The following NRCAM variants were observed in gnomAD, a reference collection of about 807,000 sequenced individuals.
The protein encoded by NRCAM is neuronal cell adhesion molecule, also known as NgCAM-related cell adhesion molecule.
Under a neutral mutation model 156.5 loss-of-function variants are expected in NRCAM, and 83 were observed. That is an observed-to-expected ratio of 0.53 (90% CI 0.44 to 0.64). The LOEUF (loss-of-function observed/expected upper bound fraction) is 0.64. NRCAM is among the 30% of genes least tolerant of loss of function. The pLI is 0.00. For synonymous variants in NRCAM, 538 were observed against 563.9 expected (o/e 0.95, Z 0.65); for missense variants, 1,417 against 1,597.3 (o/e 0.89, Z 1.92).
intron 3 of NRCAM, among the ~76,000 whole-genome samples, chr7:108,273,082 C>A (rs760040240): frequency 1.3e-4 from 20 of 152,164 alleles, no homozygotes; most frequent in Non-Finnish European, 1.6e-4. Flanking sequence ...TGAACTCATC[C>A]TTTTTTATGG....
rs60213692 is a variant in NRCAM at position 108,254,554 on chromosome 7, T to TA, written c.-106-14385_-106-14384insT. 4.8e-4 allele frequency among the ~76,000 whole-genome samples: 71 copies of TA among 146,464 alleles called. 1 individual carries two copies. The South Asian group carries it at 8.3e-3, about 17-fold the overall frequency. Reference sequence around the variant, plus strand: ...CCATTCTGAAAAAACAATTTTGCTTTTTTTTTTTTTTTGAGATGGAACTAG... The same window carrying TA: ...CCATTCTGAAAAAACAATTTTGCTTTATTTTTTTTTTTTGAGATGGAACTAG... On this transcript the variant is annotated intron_variant, in intron 3 of 32. Coordinates refer to ENST00000379028, the MANE Select transcript of NRCAM (RefSeq NM_001037132.4).
At chr7:108,163,640 GAC>G (rs1304478169) in intron 30 of NRCAM, among the ~76,000 whole-genome samples, 17 of 152,126 alleles carry the variant, frequency 1.1e-4, no homozygotes, top group Non-Finnish European at 2.2e-4. Flanking sequence ...GTAATTGAGG[GAC>G]AGAGGTAAAA....
intron 13 of NRCAM, among the ~76,000 whole-genome samples, chr7:108,202,046 A>G (rs73414332): frequency 6.6e-6 from 1 of 152,192 alleles, no homozygotes; most frequent in Non-Finnish European, 1.5e-5. Context: ...GCTAGTGGGT[A>G]GAGTAACTCT....
At chr7:108,282,933 C>G (rs972947836) in intron 3 of NRCAM, among the ~76,000 whole-genome samples, 3 of 152,208 alleles carry the variant, frequency 2.0e-5, no homozygotes, top group Non-Finnish European at 4.4e-5. Flanking sequence ...TCAATTAAAT[C>G]AGAAGTTCTG....
intron 3 of NRCAM, among the ~76,000 whole-genome samples, chr7:108,311,858 C>T (rs1340604860): frequency 1.3e-5 from 2 of 152,108 alleles, no homozygotes; most frequent in Non-Finnish European, 2.9e-5. Context: ...TAACTAAAAT[C>T]CATGAGTTTA....
At chr7:108,297,650 A>T (rs1295784055) in intron 3 of NRCAM, among the ~76,000 whole-genome samples, 1 of 152,196 alleles carries the variant, frequency 6.6e-6, no homozygotes, top group Non-Finnish European at 1.5e-5. Flanking sequence ...CTGTCCTCAC[A>T]AACCTTACAT....
intron 3 of NRCAM, among the ~76,000 whole-genome samples, chr7:108,299,114 A>AAAAAAAAAAAAAAAGAAAGAAAGAAAG: frequency 7.8e-5 from 2 of 25,528 alleles, no homozygotes; most frequent in African/African-American, 2.1e-4. Flanking sequence ...TCAAAAAAAA[A>AAAAAAAAAAAAAAAGAAAGAAAGAAAG]AAAGAAAGAA....
chr7:108,436,396 T>A (rs933022686), intron 1 of NRCAM, among the ~76,000 whole-genome samples: 3 of 152,192 alleles, frequency 2.0e-5, no homozygotes, highest in Non-Finnish European at 4.4e-5. Context: ...TATTTTTAAT[T>A]TTGTTTATGA....
In NRCAM at chr7:108,342,670, C is replaced by G. The variant is rs537439748; in HGVS notation, c.-173-29939G>C. Among the ~76,000 whole-genome samples, 3 of 152,264 alleles carry G rather than the reference C, an allele frequency of 2.0e-5. No homozygotes were observed. In the South Asian group the frequency reaches 6.2e-4, roughly 32 times the overall value. On this transcript the variant is annotated intron_variant, in intron 2 of 32. Coordinates refer to ENST00000379028, the MANE Select transcript of NRCAM (RefSeq NM_001037132.4). ...AGCTCTAGGAGTCCTTACACAGGTC[C>G]AAGGGACAAGCCTGCAACCCATGGC...
intron 26 of NRCAM, among the ~76,000 whole-genome samples, chr7:108,177,700 C>T (rs549487046): frequency 0.083 from 1,504 of 18,098 alleles, 32 homozygotes; most frequent in Admixed American, 0.13. Context: ...TATATATACA[C>T]GTATATATAT....
chr7:108,150,083 T>C lies in NRCAM; in HGVS notation c.3742A>G (p.Lys1248Glu). The C allele has an allele frequency of 6.2e-7, 1 of 1,614,104 alleles. No homozygotes were observed. Among genetic ancestry groups the C allele is most frequent in the South Asian group, 1.1e-5 (1 of 91,074 alleles). Residue 1248 changes from lysine (K) to glutamate (E), a missense_variant, in exon 33 of 33, where the codon AAA becomes GAA. Lys to Glu is a moderately conservative substitution (Grantham distance 56). Around this residue, in one of 2 missense-constraint regions of NRCAM, gnomAD observed 179 missense variants for 260.9 expected, o/e 0.69. Coordinates refer to ENST00000379028, the MANE Select transcript of NRCAM (RefSeq NM_001037132.4). ...SRTPSDRTVK[K>E]EDSDDSLVDY... ...ACTAGGCTGTCGTCACTATCTTCTT[T>C]TTTCACAGTCCTGTCTGAAGGAGTT...
intron 30 of NRCAM, among the ~76,000 whole-genome samples, chr7:108,164,264 G>A (rs1434899045): frequency 5.3e-5 from 8 of 151,530 alleles, no homozygotes; most frequent in African/African-American, 7.3e-5. Context: ...CCAGTAGTAC[G>A]GGGAAGAAGC....
At chr7:108,207,265 C>A in intron 13 of NRCAM, 1 of 291,520 alleles carries the variant, frequency 3.4e-6, no homozygotes. Context: ...CCCTGTCATT[C>A]TTCCCATTAT....
At chr7:108,216,942 A>G (rs183332431) in intron 11 of NRCAM, among the ~76,000 whole-genome samples, 80 of 152,120 alleles carry the variant, frequency 5.3e-4, no homozygotes, top group African/African-American at 1.8e-3. Flanking sequence ...TTTTCTGTCC[A>G]GTTTTGTTCC....
At chr7:108,319,770 T>C (rs1259636352) in intron 2 of NRCAM, among the ~76,000 whole-genome samples, 2 of 152,164 alleles carry the variant, frequency 1.3e-5, no homozygotes, top group African/African-American at 2.4e-5. Flanking sequence ...TTGATACCAA[T>C]GCACAATTTA....
chr7:108,166,808 A>G, intron 30 of NRCAM, 113 bp downstream of exon 30: 1 of 872,342 alleles, frequency 1.1e-6, no homozygotes, highest in Non-Finnish European at 1.7e-6. Flanking sequence ...CCCCATAGAA[A>G]GACATTCATG....
intron 1 of NRCAM, among the ~76,000 whole-genome samples, chr7:108,453,288 T>C (rs574657616): frequency 6.6e-6 from 1 of 152,284 alleles, no homozygotes; most frequent in Admixed American, 6.5e-5. Flanking sequence ...ACAGGGAAAA[T>C]TACACCTGCA....
intron 2 of NRCAM, among the ~76,000 whole-genome samples, chr7:108,359,100 T>A (rs1446033835): frequency 4.6e-5 from 7 of 152,210 alleles, no homozygotes; most frequent in African/African-American, 1.7e-4. Context: ...GTTTTTGAAA[T>A]GGCTTTCTTT....
At chr7:108,393,221 G>C (rs1426614729) in intron 2 of NRCAM, among the ~76,000 whole-genome samples, 3 of 152,104 alleles carry the variant, frequency 2.0e-5, no homozygotes, top group African/African-American at 4.8e-5. Flanking sequence ...TACCCAGTTC[G>C]AGCTTCCCGG....
Sources: gnomAD v4.1 joint callset for allele counts (sites outside exome capture counted in the v4.1 genomes callset) on GRCh38, gnomAD v4.1.1 for gene constraint, gnomAD v4.1.1 regional missense constraint, MANE v1.5 for transcripts, NCBI Gene and HGNC (gene_info 2026-07-23, HGNC 2026-07-21) for gene names.